SLC4A4: variants seen among roughly 807,000 people sequenced by gnomAD.
SLC4A4 encodes the protein solute carrier family 4 member 4, also known as electrogenic sodium bicarbonate cotransporter 1.
A neutral mutation model predicts 111.5 loss-of-function variants in SLC4A4; 27 were observed. The ratio of observed to expected loss-of-function variants is 0.24; its 90% CI spans 0.18 to 0.33. The LOEUF is 0.33. SLC4A4 is among the 10% of genes least tolerant of loss of function. The pLI is 1.00. For missense variants in SLC4A4, 909 were observed against 1,315.5 expected, an observed-to-expected ratio of 0.69 and a Z score of 4.78; for synonymous variants, 443 against 463.4, an observed-to-expected ratio of 0.96 and a Z score of 0.57.
chr4:71,197,667 T>G (rs1284538218), intron 1 of SLC4A4, among the ~76,000 whole-genome samples: 2 of 152,166 alleles, frequency 1.3e-5, no homozygotes, highest in Non-Finnish European at 2.9e-5. Context: ...ATGGCACATG[T>G]ATACATATGT....
rs1728017793 is a variant in SLC4A4 at position 71,472,923 on chromosome 4, T to A, written c.1856T>A (p.Val619Glu). 6.2e-7 allele frequency: 1 copy of A among 1,612,986 alleles called. No homozygotes were observed. The highest frequency in any genetic ancestry group is 2.2e-5 in the East Asian group (1 of 44,800). The change falls in exon 14 of 26, where the codon GTG becomes GAG. Residue 619 changes from valine (V) to glutamate (E), a missense_variant. Transcript: ENST00000264485. ...DYYPINSNFK[V>E]GYNTLFSCTC... ...TACCCCATCAACTCCAACTTCAAAG[T>A]GGGCTACAACACTCTCTTTTCCTGT...
intron 1 of SLC4A4, among the ~76,000 whole-genome samples, chr4:71,075,956 T>A (rs962029364): frequency 3.2e-5 from 4 of 126,004 alleles, no homozygotes; most frequent in Admixed American, 7.9e-5. Flanking sequence ...AGACTCCATC[T>A]CTAAATAAAT....
At chr4:71,295,230 C>T (rs1724690920) in intron 3 of SLC4A4, among the ~76,000 whole-genome samples, 1 of 152,110 alleles carries the variant, frequency 6.6e-6, no homozygotes, top group Non-Finnish European at 1.5e-5. Context: ...TGAGTCTTTT[C>T]CCATGATACT....
intron 1 of SLC4A4, among the ~76,000 whole-genome samples, chr4:71,232,575 C>A (rs1428622682): frequency 6.6e-6 from 1 of 152,006 alleles, no homozygotes; most frequent in African/African-American, 2.4e-5. Context: ...CTGCACATAG[C>A]TAATTTGGAA....
chr4:71,083,878 G>T (rs1482125088), intron 1 of SLC4A4, among the ~76,000 whole-genome samples: 1 of 148,508 alleles, frequency 6.7e-6, no homozygotes, highest in Admixed American at 6.9e-5. Flanking sequence ...GTAGTGCATT[G>T]CCTGGCACAT....
intron 1 of SLC4A4, among the ~76,000 whole-genome samples, chr4:71,199,524 T>C (rs1376191461): frequency 6.6e-6 from 1 of 152,234 alleles, no homozygotes; most frequent in Non-Finnish European, 1.5e-5. Flanking sequence ...AATGTAATAC[T>C]GTGTATGCAA....
chr4:71,242,009 A>G (rs1356623500), intron 2 of SLC4A4, among the ~76,000 whole-genome samples: 1 of 152,204 alleles, frequency 6.6e-6, no homozygotes, highest in Non-Finnish European at 1.5e-5. Flanking sequence ...ATTTATATAT[A>G]GATTTCTTTC....
intron 3 of SLC4A4, among the ~76,000 whole-genome samples, chr4:71,332,731 C>G (rs1276595577): frequency 6.6e-6 from 1 of 152,292 alleles, no homozygotes; most frequent in East Asian, 1.9e-4. Flanking sequence ...CGCGCCCGGC[C>G]GACTGTGTAT....
chr4:71,251,059 T>C (rs181227246), intron 2 of SLC4A4, among the ~76,000 whole-genome samples: 71 of 152,348 alleles, frequency 4.7e-4, no homozygotes, highest in Middle Eastern at 3.4e-3. Flanking sequence ...CAGCAACATG[T>C]TTCCCAGGAA....
chr4:71,111,569 TG>T (rs1163530383), intron 2 of SLC4A4, among the ~76,000 whole-genome samples: 5 of 119,454 alleles, frequency 4.2e-5, no homozygotes, highest in Non-Finnish European at 6.6e-5. Flanking sequence ...TTAGTAGAGA[TG>T]GGGGTTTCAC....
At chr4:71,117,154 A>G (rs901483580) in intron 2 of SLC4A4, among the ~76,000 whole-genome samples, 5 of 151,932 alleles carry the variant, frequency 3.3e-5, no homozygotes, top group African/African-American at 1.2e-4. Flanking sequence ...TTTATTTTTT[A>G]TCTTTAATTT....
At chr4:71,323,330 A>T (rs1013804289) in intron 3 of SLC4A4, among the ~76,000 whole-genome samples, 3 of 152,004 alleles carry the variant, frequency 2.0e-5, no homozygotes, top group African/African-American at 4.8e-5. Flanking sequence ...TACATATTAT[A>T]TAAGTTAATA....
At chr4:71,296,077 G>C (rs776739281) in intron 3 of SLC4A4, among the ~76,000 whole-genome samples, 2 of 151,486 alleles carry the variant, frequency 1.3e-5, no homozygotes, top group African/African-American at 2.4e-5. Context: ...GTGATACAAT[G>C]GTCCAAGAAT....
chr4:71,556,679 T>C (rs1003993892), intron 21 of SLC4A4, among the ~76,000 whole-genome samples: 7 of 151,986 alleles, frequency 4.6e-5, no homozygotes, highest in African/African-American at 1.4e-4. Context: ...AGATTTCATT[T>C]AGAAAATTTT....
At chr4:71,154,420 C>G (rs1404822339) in intron 2 of SLC4A4, among the ~76,000 whole-genome samples, 2 of 151,976 alleles carry the variant, frequency 1.3e-5, no homozygotes, top group Non-Finnish European at 1.5e-5. Flanking sequence ...GTGGGATACA[C>G]AGCATAAGAA....
intron 3 of SLC4A4, among the ~76,000 whole-genome samples, chr4:71,288,557 C>T (rs1342517422): frequency 6.6e-6 from 1 of 152,060 alleles, no homozygotes; most frequent in East Asian, 1.9e-4. Flanking sequence ...TGCCACCATG[C>T]CTGCCTAATT....
chr4:71,256,658 ATCC>A (rs1287888641), intron 3 of SLC4A4, among the ~76,000 whole-genome samples: 2 of 152,200 alleles, frequency 1.3e-5, no homozygotes, highest in Non-Finnish European at 2.9e-5. Context: ...TCTGAAAGGG[ATCC>A]TTTACATATC....
rs1199042104 is a variant in SLC4A4 at position 71,453,679 on chromosome 4, G to A, written c.1497+10G>A. 6.2e-7 allele frequency: 1 copy of A among 1,613,634 alleles called. No individual in the cohort carries two copies. Among genetic ancestry groups the A allele is most frequent in the Admixed American group, 1.7e-5 (1 of 59,958 alleles). ...CACTGACAACATGCAGGTGGGTATGGTTTTGAGGAGGACACAAATAGTACA... is the reference window on the plus strand; with the variant it reads ...CACTGACAACATGCAGGTGGGTATGATTTTGAGGAGGACACAAATAGTACA... On this transcript the variant is annotated intron_variant, in intron 12 of 25. Coordinates refer to ENST00000264485, the MANE Select transcript of SLC4A4 (RefSeq NM_001098484.3).
chr4:71,555,921 A>G (rs962289887), intron 21 of SLC4A4, among the ~76,000 whole-genome samples: 2 of 151,902 alleles, frequency 1.3e-5, no homozygotes, highest in Admixed American at 6.6e-5. Flanking sequence ...TTGTCTTTCA[A>G]TTGGGTTTTA....
Sources: gnomAD v4.1 joint callset for allele counts (sites outside exome capture counted in the v4.1 genomes callset) on GRCh38, gnomAD v4.1.1 for gene constraint, MANE v1.5 for transcripts, NCBI Gene and HGNC (gene_info 2026-07-23, HGNC 2026-07-21) for gene names.